Variants in POU6F1 observed in about 807,000 individuals in gnomAD.
The protein encoded by POU6F1 is POU domain, class 6, transcription factor 1.
Under a neutral mutation model 28.9 loss-of-function variants are expected in POU6F1, and 9 were observed. The observed-to-expected ratio is 0.31, with a 90% confidence interval of 0.19 to 0.54. The LOEUF is 0.54. POU6F1 is among the 20% of genes least tolerant of loss of function. The pLI, the probability that POU6F1 is intolerant of heterozygous loss-of-function variation, is 0.94. For synonymous variants in POU6F1, 173 were observed against 171.1 expected, an observed-to-expected ratio of 1.01 and a Z score of -0.09; for missense variants, 338 against 426.1, an observed-to-expected ratio of 0.79 and a Z score of 1.82.
chr12:51,203,435 A>C (rs1400102258), intron 3 of POU6F1, among the ~76,000 whole-genome samples: 1 of 152,146 alleles, frequency 6.6e-6, no homozygotes, highest in African/African-American at 2.4e-5. Context: ...TCCTGGCCTC[A>C]ACATAGAAGC....
intron 1 of POU6F1, chr12:51,207,160 A>T: frequency 5.4e-6 from 1 of 185,044 alleles, no homozygotes; most frequent in Non-Finnish European, 1.1e-5. Flanking sequence ...AGTAGCTGGG[A>T]TTACAGGCAT....
At chr12:51,204,868 A>G (rs1442354027) in intron 2 of POU6F1, among the ~76,000 whole-genome samples, 1 of 152,064 alleles carries the variant, frequency 6.6e-6, no homozygotes, top group Non-Finnish European at 1.5e-5. Context: ...TGGAAAATGA[A>G]TGCTCCACAA....
Position 51,190,517 on chromosome 12 carries a change from A to AC in POU6F1, c.1565_1566insG (p.Glu523Ter). ...GCTGGCCTTCCTGGTTCCGCAGTTCAGCTTCGTTTAGCCACTTTTCCAGCA... is the reference window on the plus strand; with the variant it reads ...GCTGGCCTTCCTGGTTCCGCAGTTCACGCTTCGTTTAGCCACTTTTCCAGCA... On this transcript the variant is annotated frameshift_variant, in exon 11 of 11. Transcript: ENST00000333640. LOFTEE classifies it high-confidence loss of function. The surrounding 1 kb of genome is among the most constrained non-coding windows in gnomAD (Gnocchi z 4.5). 1 of 1,614,142 alleles carries AC rather than the reference A, an allele frequency of 6.2e-7. No individual in the cohort carries two copies. Among genetic ancestry groups the AC allele is most frequent in the Non-Finnish European group, 8.5e-7 (1 of 1,180,018 alleles).
chr12:51,208,859 C>T (rs1943802847), intron 1 of POU6F1, among the ~76,000 whole-genome samples: 1 of 152,070 alleles, frequency 6.6e-6, no homozygotes, highest in South Asian at 2.1e-4. Context: ...ATCACTTGAG[C>T]CCAGGAGGTT....
At position 51,189,156 on chromosome 12, in the gene POU6F1, T is replaced by A. The variant is rs936406704; in HGVS notation, c.*1091A>T. ...CTTAAAGTTACAAAGAAAATTAGAG[T>A]TAAGTCAACTTCCACAAGAGACCTT... On this transcript the variant is annotated 3_prime_UTR_variant, in exon 11 of 11. Transcript: ENST00000333640. The A allele has an allele frequency of 1.3e-5, 2 of 152,022 alleles. No homozygotes were observed. The highest frequency in any genetic ancestry group is 2.9e-5 in the Non-Finnish European group (2 of 68,000). The allele number at this position is 152,022 out of a possible 1,614,324, so 9.4% of individuals were successfully genotyped here.
At chr12:51,214,090 C>T (rs912646294) in intron 1 of POU6F1, among the ~76,000 whole-genome samples, 6 of 151,514 alleles carry the variant, frequency 4.0e-5, no homozygotes, top group East Asian at 3.9e-4. Flanking sequence ...TGCAGTGAGC[C>T]GAGATCATGC....
Position 51,196,835 on chromosome 12 carries a change from C to T in POU6F1, c.939G>A (p.Gly313=), listed in dbSNP as rs1176428521. 6.2e-7 allele frequency: 1 copy of T among 1,614,016 alleles called. No homozygotes were observed. Among genetic ancestry groups the T allele is most frequent in the Admixed American group, 1.7e-5 (1 of 60,016 alleles). The change falls in exon 7 of 11, where the codon GGG becomes GGA. Residue 313 remains glycine (G), a synonymous_variant. Transcript: ENST00000333640. The stretch of plus-strand genomic sequence containing the variant: ...CATTGGTGAGGATCTGACTGCTGAT[C>T]CCTGGCATGCTGGGAATGGCGCTGG... The part of the protein sequence containing the change: ...VITSAIPSMP[G]ISSQILTNAQ...
At chr12:51,203,915 G>A (rs552131125) in intron 3 of POU6F1, among the ~76,000 whole-genome samples, 3 of 152,268 alleles carry the variant, frequency 2.0e-5, no homozygotes, top group South Asian at 2.1e-4. Context: ...TAAGCGGAGC[G>A]CTACCAGTCT....
intron 2 of POU6F1, among the ~76,000 whole-genome samples, chr12:51,205,183 G>A (rs1012660733): frequency 2.0e-5 from 3 of 151,890 alleles, no homozygotes; most frequent in African/African-American, 7.3e-5. Context: ...GGGACTACAG[G>A]TGCCCACCAC....
chr12:51,216,916 T>A (rs1280736354), intron 1 of POU6F1, among the ~76,000 whole-genome samples: 1 of 152,100 alleles, frequency 6.6e-6, no homozygotes, highest in Non-Finnish European at 1.5e-5. Flanking sequence ...AAAGTGGAGG[T>A]TAGAGGGTAT....
At chr12:51,201,138 G>A (rs1207839074) in intron 3 of POU6F1, among the ~76,000 whole-genome samples, 1 of 152,160 alleles carries the variant, frequency 6.6e-6, no homozygotes, top group Non-Finnish European at 1.5e-5. Flanking sequence ...CCAAGAGTGG[G>A]AACCACTGAA....
chr12:51,200,285 C>T (rs1371921810), intron 3 of POU6F1, among the ~76,000 whole-genome samples: 1 of 152,188 alleles, frequency 6.6e-6, no homozygotes. Context: ...GCCACTGAAT[C>T]GCTGTTCATC....
intron 7 of POU6F1, among the ~76,000 whole-genome samples, chr12:51,196,592 C>T (rs576336945): frequency 1.3e-5 from 2 of 152,246 alleles, no homozygotes; most frequent in Admixed American, 6.5e-5. Context: ...AATGAAAACT[C>T]CCACGTAATG....
At position 51,196,033 on chromosome 12, in the gene POU6F1, G is replaced by C. The variant is rs1565607700; in HGVS notation, c.1116C>G (p.Ser372Arg). Residue 372 changes from serine to arginine, a missense_variant, in exon 8 of 11, where the codon AGC (serine) becomes AGG (arginine). Ser to Arg is a moderately radical substitution (Grantham distance 110). Around this residue, in one of 3 missense-constraint regions of POU6F1, gnomAD observed 206 missense variants for 225.6 expected, o/e 0.91. Transcript: ENST00000333640. ...QGQVIATLAS[S>R]PLPPPVAVRK... is the part of the protein sequence containing the mutation. ...GGACAGCCACAGGTGGAGGCAGGGG[G>C]CTGCTAGCCAGGGTCGCAATCACCT... is the stretch of plus-strand genomic sequence containing the variant. The C allele has an allele frequency of 7.4e-6, 12 of 1,611,072 alleles. No homozygotes were observed. Among genetic ancestry groups the C allele is most frequent in the Non-Finnish European group, 9.3e-6 (11 of 1,179,308 alleles).
chr12:51,190,316 C>A lies in POU6F1; in HGVS notation c.1767G>T (p.Arg589=). ...TCTGGCGCCGATTGCAGAACCAGAC[C>A]CGCACTACCTCACGGTCGTAGTTGA... ...KELNYDREVV[R]VWFCNRRQTL... The change falls in exon 11 of 11, where the codon CGG becomes CGT. Residue 589 remains arginine (R), a synonymous_variant. Coordinates refer to ENST00000333640, the MANE Select transcript of POU6F1 (RefSeq NM_001330422.2). This position sits in a 1 kb window ranked among gnomAD's most constrained non-coding sequence, Gnocchi z 4.5. 2 of 1,614,206 alleles carry A rather than the reference C, an allele frequency of 1.2e-6. No homozygotes were observed. The highest frequency in any genetic ancestry group is 1.7e-6 in the Non-Finnish European group (2 of 1,180,028).
At chr12:51,194,279 G>A (rs549106138) in intron 8 of POU6F1, among the ~76,000 whole-genome samples, 20 of 152,106 alleles carry the variant, frequency 1.3e-4, no homozygotes, top group African/African-American at 3.6e-4. Flanking sequence ...CACCCGCCTC[G>A]GCCTACCAAA....
chr12:51,215,330 G>GGAT (rs1226756497), intron 1 of POU6F1, among the ~76,000 whole-genome samples: 3 of 151,848 alleles, frequency 2.0e-5, no homozygotes, highest in African/African-American at 4.8e-5. Flanking sequence ...CGAGGCGGGC[G>GGAT]GATTACTTGA....
At chr12:51,201,068 G>A (rs946184826) in intron 3 of POU6F1, among the ~76,000 whole-genome samples, 2 of 152,216 alleles carry the variant, frequency 1.3e-5, no homozygotes, top group Non-Finnish European at 2.9e-5. Flanking sequence ...AGAATGTCCA[G>A]TAGTGGAGGC....
chr12:51,200,659 A>G (rs983700102), intron 3 of POU6F1, among the ~76,000 whole-genome samples: 2 of 152,172 alleles, frequency 1.3e-5, no homozygotes, highest in African/African-American at 4.8e-5. Context: ...AGTGATGGAT[A>G]TAGGACCAGA....
Sources: gnomAD v4.1 joint callset for allele counts (sites outside exome capture counted in the v4.1 genomes callset) on GRCh38, gnomAD v4.1.1 for gene constraint, gnomAD v4.1.1 regional missense constraint, Gnocchi (gnomAD v3.1) non-coding constraint, MANE v1.5 for transcripts, NCBI Gene and HGNC (gene_info 2026-07-23, HGNC 2026-07-21) for gene names.